The following OSBPL3 variants were observed in gnomAD, a reference collection of about 807,000 sequenced individuals.
OSBPL3 encodes the protein oxysterol-binding protein-related protein 3.
In OSBPL3, 65 loss-of-function variants were observed where a neutral mutation model predicts 120.1. The ratio of observed to expected loss-of-function variants is 0.54; its 90% CI spans 0.44 to 0.67. OSBPL3 has a LOEUF of 0.67. Ranked by LOEUF, OSBPL3 falls within the 30% of genes least tolerant of loss-of-function variation. OSBPL3 has a pLI of 0.00. For synonymous variants in OSBPL3, 416 were observed against 402.6 expected, an observed-to-expected ratio of 1.03 and a Z score of -0.40; for missense variants, 1,004 against 1,082.1, an observed-to-expected ratio of 0.93 and a Z score of 1.01.
At chr7:24,800,357 C>A (rs561432635) in intron 22 of OSBPL3, 78 bp from the exon 23 acceptor site, 348 of 782,106 alleles carry the variant, frequency 4.4e-4, no homozygotes, top group Non-Finnish European at 6.9e-4. Context: ...TCCTAACCTC[C>A]CTGCTTTCCC....
In OSBPL3 at chr7:24,824,703, TG is replaced by T. The variant is rs1325861992; in HGVS notation, c.1885-4466del. ...TGGAATTTATATTTTAGTATGGAAG[TG>T]GGTAAGACAAACGACACATAAGAAG... On this transcript the variant is annotated intron_variant, in intron 16 of 22. Transcript: ENST00000313367. The surrounding 1 kb of genome is among the most constrained non-coding windows in gnomAD (Gnocchi z 4.9). Among the ~76,000 whole-genome samples, 3 of 152,108 alleles carry T rather than the reference TG, an allele frequency of 2.0e-5. No individual in the cohort carries two copies. The highest frequency in any genetic ancestry group is 2.4e-5 in the African/African-American group (1 of 41,418).
chr7:24,964,803 T>A lies in OSBPL3; in HGVS notation c.-150+15083A>T, dbSNP rs1816191557. On this transcript the variant is annotated intron_variant, in intron 1 of 22. Coordinates refer to ENST00000313367, the MANE Select transcript of OSBPL3 (RefSeq NM_015550.4). The surrounding 1 kb of genome is among the most constrained non-coding windows in gnomAD (Gnocchi z 4.2). ...TGGGGCATATGGGAATTTTTTGTAC[T>A]ATCTTCACATCTTTTCTCTACCTCT... Among the ~76,000 whole-genome samples, 1 of 152,250 alleles carries A rather than the reference T, an allele frequency of 6.6e-6. No homozygotes were observed. The highest frequency in any genetic ancestry group is 2.1e-4 in the South Asian group (1 of 4,834).
rs984924864 is a variant in OSBPL3 at position 24,805,721 on chromosome 7, C to A, written c.2444+1055G>T. ...TGGGCCCATTTGGGACCAACTGTTACAGCTGACATACGTAAACTGTTTCAC... is the reference window on the plus strand; with the variant it reads ...TGGGCCCATTTGGGACCAACTGTTAAAGCTGACATACGTAAACTGTTTCAC... On this transcript the variant is annotated intron_variant, in intron 21 of 22. Transcript: ENST00000313367. The surrounding 1 kb of genome is among the most constrained non-coding windows in gnomAD (Gnocchi z 4.0). Among the ~76,000 whole-genome samples, 1 of 152,194 alleles carries A rather than the reference C, an allele frequency of 6.6e-6. No homozygotes were observed. The highest frequency in any genetic ancestry group is 2.1e-4 in the South Asian group (1 of 4,832).
At chr7:24,917,097 T>A (rs1402778850) in intron 1 of OSBPL3, among the ~76,000 whole-genome samples, 1 of 152,076 alleles carries the variant, frequency 6.6e-6, no homozygotes. Flanking sequence ...ACTCCAAGAA[T>A]GCATTCCAGT....
chr7:24,915,280 CCT>C (rs1323777461), intron 1 of OSBPL3, among the ~76,000 whole-genome samples: 1 of 152,032 alleles, frequency 6.6e-6, no homozygotes, highest in East Asian at 1.9e-4. Flanking sequence ...TAATCTGACC[CCT>C]GATTTACCAA....
At chr7:24,931,604 T>C (rs767310310) in intron 1 of OSBPL3, among the ~76,000 whole-genome samples, 2 of 152,100 alleles carry the variant, frequency 1.3e-5, no homozygotes, top group Admixed American at 6.5e-5. Flanking sequence ...AAAAGAACAA[T>C]GCCCGTTGAC....
intron 10 of OSBPL3, among the ~76,000 whole-genome samples, chr7:24,860,864 A>G (rs537171765): frequency 2.0e-4 from 30 of 152,344 alleles, no homozygotes; most frequent in African/African-American, 7.2e-4. Flanking sequence ...GTCTTTGGCC[A>G]ATACAAATAA....
rs114784100 is a variant in OSBPL3 at position 24,925,661 on chromosome 7, T to G, written c.-149-33040A>C. ...TAAACATGCATTCAGCAGTTCCTAT[T>G]TTGATTGGAACGTTTCATCGCTTTT... On this transcript the variant is annotated intron_variant, in intron 1 of 22. Transcript: ENST00000313367. 1.5e-3 allele frequency among the ~76,000 whole-genome samples: 234 copies of G among 152,336 alleles called. 1 individual carries two copies. The highest frequency in any genetic ancestry group is 5.5e-3 in the African/African-American group (228 of 41,590).
chr7:24,858,618 A>G (rs6955545), intron 10 of OSBPL3, among the ~76,000 whole-genome samples: 5,181 of 152,322 alleles, frequency 0.034, 196 homozygotes, highest in African/African-American at 0.095. Flanking sequence ...GGGCTCAGGC[A>G]ACTGTTGAAT....
In OSBPL3 at chr7:24,822,184, A is replaced by G. The variant is rs1209730472; in HGVS notation, c.1885-1946T>C. On this transcript the variant is annotated intron_variant, in intron 16 of 22. Coordinates refer to ENST00000313367, the MANE Select transcript of OSBPL3 (RefSeq NM_015550.4). The surrounding 1 kb of genome is among the most constrained non-coding windows in gnomAD (Gnocchi z 5.8). ...CCACCATATCCAGTTATCTTTTTTA[A>G]AAAAATCCTACCACTTGGAGATACC... Among the ~76,000 whole-genome samples, 3 of 152,180 alleles carry G rather than the reference A, an allele frequency of 2.0e-5. No homozygotes were observed. Among genetic ancestry groups the G allele is most frequent in the African/African-American group, 7.2e-5 (3 of 41,442 alleles).
intron 1 of OSBPL3, among the ~76,000 whole-genome samples, chr7:24,905,320 C>G (rs1807735323): frequency 6.6e-6 from 1 of 151,632 alleles, no homozygotes; most frequent in African/African-American, 2.4e-5. Context: ...AAATGTGCAC[C>G]CAGCTCTGCT....
chr7:24,852,589 C>T lies in OSBPL3; in HGVS notation c.1073G>A (p.Arg358Lys). 1 of 1,609,892 alleles carries T rather than the reference C, an allele frequency of 6.2e-7. No homozygotes were observed. The highest frequency in any genetic ancestry group is 2.2e-5 in the East Asian group (1 of 44,788). The change falls in exon 11 of 23, where the codon AGA (arginine) becomes AAA (lysine). Residue 358 changes from arginine to lysine, a missense_variant. Physicochemically the swap from Arg to Lys is conservative, Grantham distance 26 (BLOSUM62 2). Coordinates refer to ENST00000313367, the MANE Select transcript of OSBPL3 (RefSeq NM_015550.4). This position sits in a 1 kb window ranked among gnomAD's most constrained non-coding sequence, Gnocchi z 4.1. Reference protein sequence around the residue: ...RSAFNIMSAEREKLKQLMEQD... With the variant: ...RSAFNIMSAEKEKLKQLMEQD... ...CTCCATCAGCTGCTTCAGTTTCTCT[C>T]TCTCCGCTGACATGATATTAAAAGC...
Position 24,945,232 on chromosome 7 carries a change from A to C in OSBPL3, c.-150+34654T>G, listed in dbSNP as rs114378160. On this transcript the variant is annotated intron_variant, in intron 1 of 22. Transcript: ENST00000313367. Reference sequence around the variant, plus strand: ...ATCAACCCTTCTTTTTTCCAGGCTAAACATCTCCATTTAATTCATTCATTC... The same window carrying C: ...ATCAACCCTTCTTTTTTCCAGGCTACACATCTCCATTTAATTCATTCATTC... Among the ~76,000 whole-genome samples the C allele has an allele frequency of 8.5e-3, 1,292 of 152,232 alleles. 17 individuals are homozygous for C. Among genetic ancestry groups the C allele is most frequent in the African/African-American group, 0.03 (1,229 of 41,536 alleles).
intron 15 of OSBPL3, among the ~76,000 whole-genome samples, chr7:24,832,498 A>AGG (rs1243897653): frequency 7.3e-6 from 1 of 136,988 alleles, no homozygotes; most frequent in African/African-American, 2.7e-5. Flanking sequence ...CGACAGAGAG[A>AGG]GACTCTGCCT....
intron 1 of OSBPL3, among the ~76,000 whole-genome samples, chr7:24,971,436 C>T (rs150351464): frequency 2.5e-3 from 375 of 152,346 alleles, no homozygotes; most frequent in African/African-American, 8.3e-3. Context: ...TGGAAAGCTA[C>T]ACCACAACAA....
chr7:24,939,032 A>G lies in OSBPL3; in HGVS notation c.-150+40854T>C, dbSNP rs1337789274. On this transcript the variant is annotated intron_variant, in intron 1 of 22. Coordinates refer to ENST00000313367, the MANE Select transcript of OSBPL3 (RefSeq NM_015550.4). The surrounding 1 kb of genome is among the most constrained non-coding windows in gnomAD (Gnocchi z 4.2). ...ATAAAGATTAAAGAATTTTTAGCACAGAGATATTGGATGAAATCATAGGAA... is the reference window on the plus strand; with the variant it reads ...ATAAAGATTAAAGAATTTTTAGCACGGAGATATTGGATGAAATCATAGGAA... Among the ~76,000 whole-genome samples the G allele has an allele frequency of 6.6e-6, 1 of 152,206 alleles. No individual in the cohort carries two copies. Among genetic ancestry groups the G allele is most frequent in the Non-Finnish European group, 1.5e-5 (1 of 68,032 alleles).
Position 24,815,131 on chromosome 7 carries a change from A to C in OSBPL3, c.2100T>G (p.Ile700Met). The change falls in exon 19 of 23, where the codon ATT becomes ATG. Residue 700 changes from isoleucine (I) to methionine (M), a missense_variant. Coordinates refer to ENST00000313367, the MANE Select transcript of OSBPL3 (RefSeq NM_015550.4). The surrounding 1 kb of genome is among the most constrained non-coding windows in gnomAD (Gnocchi z 5.1). ...TGATGACAATCTCTCCATAGTGCTC[A>C]ATCCACCTCTGCCCGCTTAAGATGT... ...IHNILSGQRW[I>M]EHYGEIVIKN... 3 of 1,613,314 alleles carry C rather than the reference A, an allele frequency of 1.9e-6. No homozygotes were observed. The highest frequency in any genetic ancestry group is 2.5e-6 in the Non-Finnish European group (3 of 1,179,220).
At chr7:24,945,810 G>A (rs1054672179) in intron 1 of OSBPL3, among the ~76,000 whole-genome samples, 3 of 152,218 alleles carry the variant, frequency 2.0e-5, no homozygotes, top group Admixed American at 2.0e-4. Context: ...TTCAAAGAAA[G>A]AATACAGTGG....
intron 1 of OSBPL3, among the ~76,000 whole-genome samples, chr7:24,956,141 C>G (rs1815018633): frequency 6.6e-6 from 1 of 152,216 alleles, no homozygotes; most frequent in Non-Finnish European, 1.5e-5. Flanking sequence ...TGGATGTGAA[C>G]GCAGTGCTGA....
Sources: gnomAD v4.1 joint callset for allele counts (sites outside exome capture counted in the v4.1 genomes callset) on GRCh38, gnomAD v4.1.1 for gene constraint, Gnocchi (gnomAD v3.1) non-coding constraint, MANE v1.5 for transcripts, NCBI Gene and HGNC (gene_info 2026-07-23, HGNC 2026-07-21) for gene names.